The following HEXB variants were observed in gnomAD, a reference collection of about 807,000 sequenced individuals.
HEXB encodes the protein hexosaminidase subunit beta.
A neutral mutation model predicts 71.2 loss-of-function variants in HEXB; 51 were observed. That is an observed-to-expected ratio of 0.72 (90% CI 0.57 to 0.90). The LOEUF is 0.90. Ranked by LOEUF, HEXB falls within the 40% of genes least tolerant of loss-of-function variation. HEXB has a pLI of 0.00. For synonymous variants in HEXB, 266 were observed against 249.3 expected (o/e 1.07, Z -0.63); for missense variants, 617 against 677.0 (o/e 0.91, Z 0.98).
intron 1 of HEXB, among the ~76,000 whole-genome samples, chr5:74,687,456 T>C (rs1032722556): frequency 2.6e-5 from 4 of 152,220 alleles, no homozygotes; most frequent in Admixed American, 2.6e-4. Context: ...GCTGCTTCTT[T>C]AGCTTCTAGA....
intron 3 of HEXB, among the ~76,000 whole-genome samples, chr5:74,695,898 G>A (rs76086604): frequency 0.022 from 3,337 of 150,804 alleles, 130 homozygotes; most frequent in African/African-American, 0.077. Context: ...TAGATTTCTA[G>A]TCCAAGAAGT....
chr5:74,648,701 A>C (rs1395912524), intron 1 of HEXB, among the ~76,000 whole-genome samples: 1 of 152,228 alleles, frequency 6.6e-6, no homozygotes, highest in South Asian at 2.1e-4. Context: ...AATCTTGATC[A>C]ATGTCATCGG....
chr5:74,720,286 C>G, intron 11 of HEXB, 142 bp from the exon 12 acceptor site: 1 of 707,428 alleles, frequency 1.4e-6, no homozygotes, highest in Non-Finnish European at 2.6e-6. Flanking sequence ...GTGCCACAAC[C>G]ATTAGCATCT....
intron 11 of HEXB, chr5:74,720,096 TA>T: frequency 3.0e-6 from 1 of 331,276 alleles, no homozygotes. Context: ...ACCAGGGATT[TA>T]AAAAATGGTT....
chr5:74,705,264 G>A lies in HEXB; in HGVS notation c.715G>A (p.Val239Ile), dbSNP rs145056714. ...GTTTAATGTTCTTCACTGGCACATA[G>A]TTGATGACCAGTCTTTCCCATATCA... ...NKFNVLHWHI[V>I]DDQSFPYQSI... The change falls in exon 6 of 14, where the codon GTT becomes ATT. Residue 239 changes from valine (V) to isoleucine (I), a missense_variant. Val to Ile is a conservative substitution (Grantham distance 29, BLOSUM62 3). Coordinates refer to ENST00000261416, the MANE Select transcript of HEXB (RefSeq NM_000521.4). 8.5e-4 allele frequency: 1,377 copies of A among 1,612,542 alleles called. 1 individual carries two copies. The highest frequency in any genetic ancestry group is 1.1e-3 in the Non-Finnish European group (1,318 of 1,178,642).
At chr5:74,660,267 C>T (rs995838973) in intron 1 of HEXB, among the ~76,000 whole-genome samples, 2 of 152,184 alleles carry the variant, frequency 1.3e-5, no homozygotes, top group Non-Finnish European at 1.5e-5. Context: ...TCAAAGCCAA[C>T]GATTACAATC....
chr5:74,661,572 T>TCA (rs1748327118), intron 1 of HEXB, among the ~76,000 whole-genome samples: 1 of 150,462 alleles, frequency 6.6e-6, no homozygotes, highest in Admixed American at 6.6e-5. Context: ...TGTCTCTCTC[T>TCA]CTCTCTCTCT....
intron 7 of HEXB, among the ~76,000 whole-genome samples, chr5:74,714,639 T>C (rs1749630100): frequency 6.6e-6 from 1 of 152,216 alleles, no homozygotes; most frequent in Admixed American, 6.5e-5. Flanking sequence ...CTAGGTGACC[T>C]TGGGCAAGTT....
At position 74,685,376 on chromosome 5, in the gene HEXB, TGGC is replaced by T. The variant is rs1212567389; in HGVS notation, c.119_121del (p.Ala40del). The stretch of plus-strand genomic sequence containing the variant: ...ACTCAGGTGGCGCTGGTGGTGCAGG[TGGC>T]GGAGGCGGCTCGGGCCCCGAGCGTC... On this transcript the variant is annotated inframe_deletion, in exon 1 of 14. Coordinates refer to ENST00000261416, the MANE Select transcript of HEXB (RefSeq NM_000521.4). The T allele has an allele frequency of 6.3e-7, 1 of 1,590,208 alleles. No homozygotes were observed. Among genetic ancestry groups the T allele is most frequent in the Non-Finnish European group, 8.5e-7 (1 of 1,170,030 alleles).
chr5:74,693,355 A>G (rs1274164266), intron 2 of HEXB: 4 of 490,340 alleles, frequency 8.2e-6, no homozygotes, highest in Non-Finnish European at 1.1e-5. Context: ...TGAGTGACTC[A>G]AGTGACTGGA....
At chr5:74,720,921 A>G (rs997430393) in intron 13 of HEXB, 174 bp downstream of exon 13, 22 of 765,682 alleles carry the variant, frequency 2.9e-5, no homozygotes, top group Non-Finnish European at 4.4e-5. Context: ...TGACTGTTTT[A>G]TAGATACAAA....
At chr5:74,708,116 A>T (rs1561223412) in intron 6 of HEXB, among the ~76,000 whole-genome samples, 1 of 152,128 alleles carries the variant, frequency 6.6e-6, no homozygotes, top group Non-Finnish European at 1.5e-5. Flanking sequence ...ACAAGCCAGA[A>T]GACAGTGGGG....
At chr5:74,678,173 C>CT (rs1273311569) in intron 1 of HEXB, among the ~76,000 whole-genome samples, 1 of 151,996 alleles carries the variant, frequency 6.6e-6, no homozygotes, top group African/African-American at 2.4e-5. Context: ...TGGCAGACAC[C>CT]TGTAATCCCA....
At position 74,642,241 on chromosome 5, in the gene HEXB, C is replaced by T. The variant is rs570846457; in HGVS notation, c.-377+1683C>T. On this transcript the variant is annotated intron_variant, in intron 1 of 13. Coordinates refer to the HEXB transcript ENST00000511181. The stretch of plus-strand genomic sequence containing the variant: ...TCCTTTGTTAGCATTAACTCGGCAG[C>T]CTCACCACGAACCTTTCAATATATA... Among the ~76,000 whole-genome samples the T allele has an allele frequency of 4.6e-5, 7 of 152,282 alleles. No homozygotes were observed. The South Asian group carries it at 1.5e-3, about 32-fold the overall frequency.
chr5:74,671,750 A>G (rs904191535), intron 1 of HEXB, among the ~76,000 whole-genome samples: 1 of 152,210 alleles, frequency 6.6e-6, no homozygotes, highest in African/African-American at 2.4e-5. Flanking sequence ...ATTCTTTTCT[A>G]ATAGATCTGG....
chr5:74,651,615 A>C (rs1355188603), intron 1 of HEXB, among the ~76,000 whole-genome samples: 1 of 152,192 alleles, frequency 6.6e-6, no homozygotes, highest in East Asian at 1.9e-4. Flanking sequence ...ACATCACTTA[A>C]AGGAGGATTC....
chr5:74,685,126 A>T (rs1386402041), upstream of HEXB: 15 of 909,948 alleles, frequency 1.6e-5, 1 homozygote, highest in Non-Finnish European at 2.1e-5. Flanking sequence ...CTGGAGGCGG[A>T]GTCGGGGGCG....
upstream of HEXB, among the ~76,000 whole-genome samples, chr5:74,683,060 T>G (rs991429025): frequency 1.3e-5 from 2 of 152,120 alleles, no homozygotes; most frequent in African/African-American, 4.8e-5. Flanking sequence ...CTAATGGTAA[T>G]AGAGAGGAGA....
chr5:74,707,110 C>T (rs1374275297), intron 6 of HEXB, among the ~76,000 whole-genome samples: 1 of 152,168 alleles, frequency 6.6e-6, no homozygotes, highest in Non-Finnish European at 1.5e-5. Context: ...GAGGAACGAT[C>T]AGACAGCAGC....
Sources: gnomAD v4.1 joint callset for allele counts (sites outside exome capture counted in the v4.1 genomes callset) on GRCh38, gnomAD v4.1.1 for gene constraint, MANE v1.5 for transcripts, NCBI Gene and HGNC (gene_info 2026-07-23, HGNC 2026-07-21) for gene names.